PPP1R13B: variants seen among roughly 807,000 people sequenced by gnomAD.
PPP1R13B encodes apoptosis-stimulating of p53 protein 1.
Under a neutral mutation model 119.8 loss-of-function variants are expected in PPP1R13B, and 44 were observed. That is an observed-to-expected ratio of 0.37 (90% CI 0.29 to 0.47). The LOEUF (loss-of-function observed/expected upper bound fraction) is 0.47, where lower values mean the gene tolerates loss of function less well. PPP1R13B is among the 20% of genes least tolerant of loss of function. The pLI is 0.99. For missense variants in PPP1R13B, 1,227 were observed against 1,413.5 expected (o/e 0.87, Z 2.12); for synonymous variants, 542 against 561.5 (o/e 0.97, Z 0.49).
In PPP1R13B at chr14:103,763,277, T is replaced by C. The variant is rs1595739903; in HGVS notation, c.355-5526A>G. On this transcript the variant is annotated intron_variant, in intron 4 of 16. Coordinates refer to ENST00000202556, the MANE Select transcript of PPP1R13B (RefSeq NM_015316.3). ...TTCTCTATGAAACGTCTGTAGCTTC[T>C]TAGCACAGTGCGTCCATTTAGAAAG... The C allele has an allele frequency of 1.4e-5, 6 of 433,904 alleles. No individual in the cohort carries two copies. The East Asian group carries it at 2.1e-4, about 15-fold the overall frequency. 26.9% of individuals were successfully genotyped at this position (433,904 alleles called of 1,614,324 possible). A position where few individuals can be genotyped will look rare whatever the true frequency, so the allele number is the denominator to read the frequency against.
chr14:103,767,043 TAG>T (rs1349126507), intron 4 of PPP1R13B, among the ~76,000 whole-genome samples: 1 of 152,210 alleles, frequency 6.6e-6, no homozygotes, highest in Non-Finnish European at 1.5e-5. Flanking sequence ...AGTGACCAAA[TAG>T]ACCTAATGTC....
intron 1 of PPP1R13B, among the ~76,000 whole-genome samples, chr14:103,822,294 T>C (rs189213006): frequency 2.2e-3 from 328 of 152,080 alleles, no homozygotes; most frequent in Middle Eastern, 0.02. Context: ...ACCACCACGC[T>C]AGGCTAATTT....
intron 1 of PPP1R13B, among the ~76,000 whole-genome samples, chr14:103,840,639 A>G (rs1445007289): frequency 1.3e-5 from 2 of 151,940 alleles, no homozygotes; most frequent in East Asian, 3.9e-4. Context: ...AAATACAAAA[A>G]TATTAGCTGG....
chr14:103,815,849 C>T (rs907290480), intron 1 of PPP1R13B, among the ~76,000 whole-genome samples: 1 of 151,882 alleles, frequency 6.6e-6, no homozygotes, highest in Non-Finnish European at 1.5e-5. Context: ...TTTGGGAGGC[C>T]GAGGCGGGCA....
chr14:103,846,934 C>T (rs1039448790), intron 1 of PPP1R13B: 1 of 1,173,832 alleles, frequency 8.5e-7, no homozygotes, highest in African/African-American at 1.6e-5. Context: ...CCAGGGCGAC[C>T]CCAGAACGTT....
intron 1 of PPP1R13B, 156 bp downstream of exon 1, chr14:103,847,143 G>C (rs1008460398): frequency 2.0e-5 from 20 of 982,638 alleles, no homozygotes; most frequent in African/African-American, 5.3e-5. Flanking sequence ...TGCCCGCCTG[G>C]GGGGCGCCGC....
intron 1 of PPP1R13B, among the ~76,000 whole-genome samples, chr14:103,836,840 AGTCTCGG>A (rs2086791121): frequency 6.6e-6 from 1 of 152,080 alleles, no homozygotes; most frequent in Non-Finnish European, 1.5e-5. Context: ...CAGAATATAC[AGTCTCGG>A]GTCTGGACTT....
rs1215784539 is a variant in PPP1R13B at position 103,738,129 on chromosome 14, A to T, written c.2865-269T>A. On this transcript the variant is annotated intron_variant, in intron 14 of 16. Coordinates refer to ENST00000202556, the MANE Select transcript of PPP1R13B (RefSeq NM_015316.3). The surrounding 1 kb of genome is among the most constrained non-coding windows in gnomAD (Gnocchi z 5.6). ...CTGCATGGTGATGTGAATGTACATA[A>T]CACACTGAAACACACATTTAAAAAT... 6.6e-6 allele frequency among the ~76,000 whole-genome samples: 1 copy of T among 152,254 alleles called. No homozygotes were observed. The highest frequency in any genetic ancestry group is 1.5e-5 in the Non-Finnish European group (1 of 68,054).
chr14:103,805,854 T>C (rs1313832812), intron 1 of PPP1R13B, among the ~76,000 whole-genome samples: 3 of 152,146 alleles, frequency 2.0e-5, no homozygotes, highest in Admixed American at 6.6e-5. Flanking sequence ...AGATGTGTGG[T>C]TGCCTAGGAC....
At chr14:103,809,030 T>C (rs897761088) in intron 1 of PPP1R13B, among the ~76,000 whole-genome samples, 1 of 151,912 alleles carries the variant, frequency 6.6e-6, no homozygotes, top group African/African-American at 2.4e-5. Flanking sequence ...CCACAGCTAA[T>C]TTTTTTTATT....
chr14:103,759,571 G>A (rs1473588415), intron 4 of PPP1R13B, among the ~76,000 whole-genome samples: 1 of 151,932 alleles, frequency 6.6e-6, no homozygotes, highest in Non-Finnish European at 1.5e-5. Context: ...CTCCCAAAGC[G>A]CTGGGATTAC....
chr14:103,750,650 G>C (rs2084518531), intron 7 of PPP1R13B, among the ~76,000 whole-genome samples: 1 of 152,144 alleles, frequency 6.6e-6, no homozygotes, highest in African/African-American at 2.4e-5. Context: ...GGCCAACATG[G>C]TAAAACCCTG....
At chr14:103,741,011 G>A (rs931898725) in intron 11 of PPP1R13B, among the ~76,000 whole-genome samples, 3 of 152,198 alleles carry the variant, frequency 2.0e-5, no homozygotes, top group African/African-American at 4.8e-5. Context: ...TTTACCTGGA[G>A]GTCCAGGAGC....
intron 2 of PPP1R13B, among the ~76,000 whole-genome samples, chr14:103,797,097 C>CAA (rs34404212): frequency 2.7e-5 from 3 of 109,454 alleles, no homozygotes; most frequent in Admixed American, 9.7e-5. Context: ...GATACTGTCT[C>CAA]AAAAAAAAAA....
intron 1 of PPP1R13B, among the ~76,000 whole-genome samples, chr14:103,843,558 T>C (rs965415552): frequency 1.3e-5 from 2 of 152,188 alleles, no homozygotes; most frequent in Non-Finnish European, 2.9e-5. Flanking sequence ...GAAAACATTT[T>C]TAAAATGTCA....
At chr14:103,827,134 T>C (rs1595830966) in intron 1 of PPP1R13B, among the ~76,000 whole-genome samples, 2 of 151,560 alleles carry the variant, frequency 1.3e-5, no homozygotes, top group Non-Finnish European at 2.9e-5. Context: ...ACCATCCTGG[T>C]TAACACGGTG....
At chr14:103,824,128 C>A (rs191027136) in intron 1 of PPP1R13B, among the ~76,000 whole-genome samples, 1 of 147,490 alleles carries the variant, frequency 6.8e-6, no homozygotes, top group Non-Finnish European at 1.5e-5. Flanking sequence ...TCATTGCGAC[C>A]TCCACCTCCC....
Position 103,733,310 on chromosome 14 carries a change from C to A in PPP1R13B, c.*1844G>T. 1 of 362,784 alleles carries A rather than the reference C, an allele frequency of 2.8e-6. No homozygotes were observed. Among genetic ancestry groups the A allele is most frequent in the South Asian group, 3.8e-5 (1 of 26,256 alleles). The allele number at this position is 362,784 out of a possible 1,614,324, so 22.5% of individuals were successfully genotyped here. A position where few individuals can be genotyped will look rare whatever the true frequency, so the allele number is the denominator to read the frequency against. On this transcript the variant is annotated 3_prime_UTR_variant, in exon 17 of 17. Coordinates refer to ENST00000202556, the MANE Select transcript of PPP1R13B (RefSeq NM_015316.3). ...TAAACTATTTTTAGCATAATATATA[C>A]CATTTTTATGAGTTCGCAGGTCTAC...
chr14:103,802,362 TTTA>T (rs1484468892), intron 1 of PPP1R13B, among the ~76,000 whole-genome samples: 1 of 152,174 alleles, frequency 6.6e-6, no homozygotes, highest in African/African-American at 2.4e-5. Flanking sequence ...CAAATCATGC[TTTA>T]TAAATTGAAG....
Sources: allele counts gnomAD v4.1 joint callset (sites outside exome capture counted in the v4.1 genomes callset), GRCh38; gene constraint gnomAD v4.1.1; non-coding constraint Gnocchi (gnomAD v3.1); transcripts MANE v1.5; gene names NCBI Gene and HGNC (gene_info 2026-07-23, HGNC 2026-07-21).